The following GREB1L variants were observed in gnomAD, a reference collection of about 807,000 sequenced individuals.
GREB1L encodes the protein GREB1-like protein.
In GREB1L, 17 loss-of-function variants were observed where a neutral mutation model predicts 200.8. That is an observed-to-expected ratio of 0.08 (90% confidence interval 0.06 to 0.13). The LOEUF (loss-of-function observed/expected upper bound fraction) is 0.13. Among genes scored for constraint, GREB1L ranks in the 10% least tolerant of loss-of-function variants. The pLI is 1.00. For missense variants in GREB1L, 1,657 were observed against 2,367.7 expected, an observed-to-expected ratio of 0.70 and a Z score of 6.23; for synonymous variants, 789 against 893.0, an observed-to-expected ratio of 0.88 and a Z score of 2.08.
rs1186529148 is a variant in GREB1L at position 21,404,001 on chromosome 18, G to A, written c.832+7G>A. On this transcript the variant is annotated splice_region_variant and intron_variant, in intron 7 of 32. Coordinates refer to ENST00000424526, the MANE Select transcript of GREB1L (RefSeq NM_001142966.3). ...TCAGGATTCACTCAGACAGGTATGG[G>A]ATATTTTCTTTTGGCATTTCAAGCA... 6.5e-7 allele frequency: 1 copy of A among 1,550,100 alleles called. No homozygotes were observed. Among genetic ancestry groups the A allele is most frequent in the Admixed American group, 2.0e-5 (1 of 50,766 alleles).
chr18:21,409,766 A>G (rs943823077), intron 7 of GREB1L, among the ~76,000 whole-genome samples: 1 of 152,098 alleles, frequency 6.6e-6, no homozygotes, highest in Non-Finnish European at 1.5e-5. Context: ...AAGCCAATCA[A>G]TTTTTCTGTG....
chr18:21,274,539 T>A (rs1198407737), intron 1 of GREB1L, among the ~76,000 whole-genome samples: 1 of 152,098 alleles, frequency 6.6e-6, no homozygotes, highest in Non-Finnish European at 1.5e-5. Flanking sequence ...GCCTCCTGAG[T>A]AGCTGTGACC....
intron 1 of GREB1L, among the ~76,000 whole-genome samples, chr18:21,256,536 T>C (rs1212679046): frequency 6.6e-6 from 1 of 152,224 alleles, no homozygotes; most frequent in Non-Finnish European, 1.5e-5. Flanking sequence ...CATTCTCTGG[T>C]AGGCTCATTA....
At chr18:21,493,992 T>A (rs4800741) in intron 19 of GREB1L, among the ~76,000 whole-genome samples, 2 of 149,706 alleles carry the variant, frequency 1.3e-5, no homozygotes, top group African/African-American at 4.9e-5. Context: ...TTCTGGGAGA[T>A]AAAACACATT....
intron 19 of GREB1L, among the ~76,000 whole-genome samples, chr18:21,491,013 C>G (rs889603761): frequency 1.3e-5 from 2 of 152,176 alleles, no homozygotes; most frequent in African/African-American, 4.8e-5. Context: ...TGCTTCTCCC[C>G]TTCCTCTCCT....
intron 1 of GREB1L, among the ~76,000 whole-genome samples, chr18:21,253,514 G>C (rs550842679): frequency 6.6e-6 from 1 of 152,138 alleles, no homozygotes; most frequent in Non-Finnish European, 1.5e-5. Context: ...GCCTCCCAGA[G>C]TGCTGGAATT....
chr18:21,508,568 G>A lies in GREB1L; in HGVS notation c.4712G>A (p.Gly1571Asp), dbSNP rs1301110695. 1.4e-5 allele frequency: 22 copies of A among 1,551,612 alleles called. No individual in the cohort carries two copies. Among genetic ancestry groups the A allele is most frequent in the South Asian group, 3.6e-5 (3 of 84,066 alleles). Reference sequence around the variant, plus strand: ...AACCACATCATGCTGGTGCTTCCCGGCATGTTCAATAATGCAGGCGTGGGT... The same window carrying A: ...AACCACATCATGCTGGTGCTTCCCGACATGTTCAATAATGCAGGCGTGGGT... ...WPNHIMLVLPGMFNNAGVGAA... is the reference protein window; with the variant it reads ...WPNHIMLVLPDMFNNAGVGAA... Residue 1571 changes from glycine (G) to aspartate (D), a missense_variant, in exon 27 of 33, where the codon GGC (glycine) becomes GAC (aspartate). By Grantham distance (94) the Gly-to-Asp change is moderately conservative (BLOSUM62 -1). Transcript: ENST00000424526.
chr18:21,324,126 C>T (rs2038989055), intron 1 of GREB1L, among the ~76,000 whole-genome samples: 1 of 152,128 alleles, frequency 6.6e-6, no homozygotes, highest in African/African-American at 2.4e-5. Flanking sequence ...CAGTGACTCC[C>T]AGATAGAGAA....
intron 1 of GREB1L, among the ~76,000 whole-genome samples, chr18:21,329,968 T>TG (rs1567939278): frequency 1.7e-4 from 18 of 107,444 alleles, no homozygotes; most frequent in African/African-American, 4.7e-4. Flanking sequence ...GGTTTTTTTT[T>TG]TGGGGGGGGG....
intron 7 of GREB1L, among the ~76,000 whole-genome samples, chr18:21,418,133 T>C (rs899369507): frequency 6.6e-6 from 1 of 152,100 alleles, no homozygotes; most frequent in South Asian, 2.1e-4. Flanking sequence ...TAAAAGTAAA[T>C]TGTATGACAA....
At chr18:21,257,004 CAAAAAAA>C (rs747739158) in intron 1 of GREB1L, among the ~76,000 whole-genome samples, 1 of 62,110 alleles carries the variant, frequency 1.6e-5, no homozygotes, top group African/African-American at 5.8e-5. Flanking sequence ...GACTCCGTCT[CAAAAAAA>C]AAAAAAAAAA....
chr18:21,492,204 G>T (rs1448467436), intron 19 of GREB1L, among the ~76,000 whole-genome samples: 1 of 152,010 alleles, frequency 6.6e-6, no homozygotes, highest in Non-Finnish European at 1.5e-5. Context: ...AAATTAGCCA[G>T]GCATGGTGGC....
rs1189557064 is a variant in GREB1L, at chr18:21,505,577, ATCAGCCAAGTTCACC to A, written c.4228+13_4228+27del. 28 of 1,551,294 alleles carry A rather than the reference ATCAGCCAAGTTCACC, an allele frequency of 1.8e-5. 1 individual carries two copies. In the Middle Eastern group the frequency reaches 1.8e-3, roughly 102 times the overall value. ...GCAGGGGTCAAACAAGGTCAGTGCA[ATCAGCCAAGTTCACC>A]TCCTCTCTGGGTTAAGGGGACACTA... On this transcript the variant is annotated intron_variant, in intron 24 of 32. Transcript: ENST00000424526.
intron 1 of GREB1L, among the ~76,000 whole-genome samples, chr18:21,318,343 G>C (rs565485313): frequency 6.6e-6 from 1 of 152,278 alleles, no homozygotes; most frequent in African/African-American, 2.4e-5. Context: ...CTTAAATTCA[G>C]ATGAAAACCC....
intron 1 of GREB1L, among the ~76,000 whole-genome samples, chr18:21,259,860 C>T (rs1013709953): frequency 6.6e-6 from 1 of 151,728 alleles, no homozygotes; most frequent in African/African-American, 2.4e-5. Flanking sequence ...AAAACTGTGG[C>T]ATTCCTTTTT....
At chr18:21,243,549 G>T (rs530200755) in intron 1 of GREB1L, among the ~76,000 whole-genome samples, 1 of 152,282 alleles carries the variant, frequency 6.6e-6, no homozygotes, top group Admixed American at 6.5e-5. Flanking sequence ...AAACCTAGCC[G>T]TTTAAATACA....
rs574349929 is a variant in GREB1L at position 21,419,581 on chromosome 18, A to T, written c.832+15587A>T. Among the ~76,000 whole-genome samples the T allele has an allele frequency of 9.2e-5, 14 of 152,264 alleles. No individual in the cohort carries two copies. The South Asian group carries it at 2.9e-3, about 32-fold the overall frequency. ...TCTCCAGCCTCAGCTACCCAAGTAGATGGGACTACAGGCGCATGCCACCAC... is the reference window on the plus strand; with the variant it reads ...TCTCCAGCCTCAGCTACCCAAGTAGTTGGGACTACAGGCGCATGCCACCAC... On this transcript the variant is annotated intron_variant, in intron 7 of 32. Coordinates refer to ENST00000424526, the MANE Select transcript of GREB1L (RefSeq NM_001142966.3).
chr18:21,488,786 A>C (rs534821464), intron 18 of GREB1L, among the ~76,000 whole-genome samples: 2 of 152,136 alleles, frequency 1.3e-5, no homozygotes, highest in Admixed American at 1.3e-4. Flanking sequence ...CCTCCCAAGT[A>C]GCTGGGATTA....
At chr18:21,446,981 C>T (rs1389140764) in intron 11 of GREB1L, among the ~76,000 whole-genome samples, 3 of 152,156 alleles carry the variant, frequency 2.0e-5, no homozygotes, top group Non-Finnish European at 1.5e-5. Flanking sequence ...TTGACTTTTC[C>T]TATTAAGGTA....
Sources: allele counts gnomAD v4.1 joint callset (sites outside exome capture counted in the v4.1 genomes callset), GRCh38; gene constraint gnomAD v4.1.1; transcripts MANE v1.5; gene names NCBI Gene and HGNC (gene_info 2026-07-23, HGNC 2026-07-21).